SLC25A26: variants seen among roughly 807,000 people sequenced by gnomAD.
SLC25A26 encodes solute carrier family 25 member 26.
In SLC25A26, 36 loss-of-function variants were observed where a neutral mutation model predicts 37.8. The ratio of observed to expected loss-of-function variants is 0.95; its 90% CI spans 0.73 to 1.26. SLC25A26 has a LOEUF of 1.26. Among genes scored for constraint, SLC25A26 ranks in the 50% most tolerant of loss-of-function variants. SLC25A26 has a pLI of 0.00. For missense variants in SLC25A26, 390 were observed against 331.1 expected (o/e 1.18, Z -1.38); for synonymous variants, 129 against 122.5 (o/e 1.05, Z -0.35).
chr3:66,192,320 A>AG (rs1287727024), intron 1 of SLC25A26, among the ~76,000 whole-genome samples: 1 of 149,960 alleles, frequency 6.7e-6, no homozygotes, highest in African/African-American at 2.5e-5. Flanking sequence ...CATGTCACAA[A>AG]AAAAAAAAAA....
In SLC25A26 at chr3:66,377,698, C is replaced by T; in HGVS notation, c.716C>T (p.Ala239Val). ...WRSQGLAGLF[A>V]GVFPRMAAIS... ...CCTGTTTTTTCCCCTAGATTATTTG[C>T]AGGTGTCTTCCCTCGAATGGCAGCC... The change falls in exon 10 of 10, where the codon GCA (alanine) becomes GTA (valine). Residue 239 changes from alanine (A) to valine (V), a missense_variant. Physicochemically the swap from Ala to Val is moderately conservative, Grantham distance 64. Transcript: ENST00000354883. The T allele has an allele frequency of 1.2e-6, 2 of 1,612,806 alleles. No homozygotes were observed. The highest frequency in any genetic ancestry group is 2.2e-5 in the East Asian group (1 of 44,856).
At position 66,252,542 on chromosome 3, in the gene SLC25A26, C is replaced by T. The variant is rs188048734; in HGVS notation, c.300+9230C>T. On this transcript the variant is annotated intron_variant, in intron 3 of 9. Transcript: ENST00000354883. Reference sequence around the variant, plus strand: ...TTCACTGAAATGCTCTTTTCCTCATCTTGAAAAAATAGGATTAATGCCATC... The same window carrying T: ...TTCACTGAAATGCTCTTTTCCTCATTTTGAAAAAATAGGATTAATGCCATC... Among the ~76,000 whole-genome samples, 3 of 152,200 alleles carry T rather than the reference C, an allele frequency of 2.0e-5. No homozygotes were observed. The East Asian group carries it at 5.8e-4, about 29-fold the overall frequency.
chr3:66,232,942 T>A (rs1211850457), intron 1 of SLC25A26, among the ~76,000 whole-genome samples: 1 of 152,220 alleles, frequency 6.6e-6, no homozygotes, highest in Non-Finnish European at 1.5e-5. Context: ...GAGGTGGCAG[T>A]TCTGCAGTGA....
intron 3 of SLC25A26, among the ~76,000 whole-genome samples, chr3:66,247,559 C>G (rs533085287): frequency 6.0e-4 from 91 of 152,342 alleles, no homozygotes; most frequent in African/African-American, 2.1e-3. Flanking sequence ...AGTTCTTCCA[C>G]TGTGGCCTTC....
intron 1 of SLC25A26, among the ~76,000 whole-genome samples, chr3:66,165,367 A>G (rs2070411611): frequency 6.6e-6 from 1 of 152,238 alleles, no homozygotes; most frequent in Non-Finnish European, 1.5e-5. Context: ...CACAGGAACT[A>G]TGAGATAATA....
chr3:66,166,101 C>G (rs2070421900), intron 1 of SLC25A26, among the ~76,000 whole-genome samples: 1 of 152,202 alleles, frequency 6.6e-6, no homozygotes, highest in Non-Finnish European at 1.5e-5. Context: ...TTGCTCTGCT[C>G]TCAAATCTCT....
chr3:66,242,716 A>G (rs1447085357), intron 2 of SLC25A26, among the ~76,000 whole-genome samples: 1 of 152,198 alleles, frequency 6.6e-6, no homozygotes, highest in African/African-American at 2.4e-5. Flanking sequence ...TTGATGTAAA[A>G]GTGAATTCAT....
At chr3:66,171,951 G>A (rs1388000878) in intron 1 of SLC25A26, among the ~76,000 whole-genome samples, 1 of 152,178 alleles carries the variant, frequency 6.6e-6, no homozygotes, top group Non-Finnish European at 1.5e-5. Flanking sequence ...CTGTAAAGTT[G>A]TCTTTTTGCT....
intron 1 of SLC25A26, among the ~76,000 whole-genome samples, chr3:66,191,987 G>A (rs1291528186): frequency 1.3e-5 from 2 of 151,770 alleles, no homozygotes; most frequent in Non-Finnish European, 2.9e-5. Context: ...CCTGAAAGTG[G>A]AGCCTTCCTG....
intron 5 of SLC25A26, among the ~76,000 whole-genome samples, chr3:66,309,862 G>C (rs189776159): frequency 7.2e-6 from 1 of 139,410 alleles, no homozygotes; most frequent in South Asian, 2.1e-4. Flanking sequence ...TGGTCTGAGA[G>C]ACTGTTTGTT....
chr3:66,336,257 T>C (rs2076090738), intron 5 of SLC25A26, among the ~76,000 whole-genome samples: 2 of 152,164 alleles, frequency 1.3e-5, no homozygotes, highest in Admixed American at 1.3e-4. Context: ...GATAGAATAA[T>C]AAGTAAAATA....
At chr3:66,173,678 G>C (rs941474575) in intron 1 of SLC25A26, among the ~76,000 whole-genome samples, 9 of 152,170 alleles carry the variant, frequency 5.9e-5, no homozygotes, top group African/African-American at 1.7e-4. Flanking sequence ...GGTTAAAATG[G>C]AGTGAGTTTT....
At chr3:66,197,098 C>T (rs1270381580) in intron 1 of SLC25A26, among the ~76,000 whole-genome samples, 3 of 152,066 alleles carry the variant, frequency 2.0e-5, no homozygotes, top group Non-Finnish European at 4.4e-5. Context: ...TGTCAGTTTA[C>T]TCTAAAAAGC....
chr3:66,231,465 T>A (rs1217739884), intron 1 of SLC25A26, among the ~76,000 whole-genome samples: 2 of 152,102 alleles, frequency 1.3e-5, no homozygotes. Context: ...TTAACAAGGT[T>A]GTTTAAAAAA....
intron 2 of SLC25A26, among the ~76,000 whole-genome samples, chr3:66,238,656 C>A (rs535171711): frequency 6.6e-6 from 1 of 152,160 alleles, no homozygotes; most frequent in Non-Finnish European, 1.5e-5. Context: ...TGAGCCACTG[C>A]GCCTGGCAAA....
At chr3:66,288,270 T>G (rs539121242) in intron 5 of SLC25A26, among the ~76,000 whole-genome samples, 1 of 152,198 alleles carries the variant, frequency 6.6e-6, no homozygotes, top group Non-Finnish European at 1.5e-5. Context: ...TTTAGACAAC[T>G]TAGAAAAAGG....
chr3:66,278,396 C>G (rs1424172918), intron 5 of SLC25A26, among the ~76,000 whole-genome samples: 1 of 152,068 alleles, frequency 6.6e-6, no homozygotes, highest in Non-Finnish European at 1.5e-5. Context: ...AGTCTCCTGC[C>G]CATCCCTCTC....
rs1356788725 is a variant in SLC25A26, at chr3:66,209,924, A to C, written c.-353-10818A>C. ...TATATATATATATATATATATATATATATATATATATATATATATATATGC... is the reference window on the plus strand; with the variant it reads ...TATATATATATATATATATATATATCTATATATATATATATATATATATGC... On this transcript the variant is annotated intron_variant, in intron 1 of 10. Transcript: ENST00000676754. Among the ~76,000 whole-genome samples the C allele has an allele frequency of 5.2e-3, 368 of 70,708 alleles. 50 individuals carry two copies. The highest frequency in any genetic ancestry group is 0.022 in the East Asian group (57 of 2,646). 46.4% of individuals were successfully genotyped at this position (70,708 alleles called of 152,430 possible). A position where few individuals can be genotyped will look rare whatever the true frequency, so the allele number is the denominator to read the frequency against.
chr3:66,222,489 C>T lies in SLC25A26; in HGVS notation c.33+1362C>T, dbSNP rs1270040992. ...AGCCACGGCGCCTGGCCAATGTTAC[C>T]GCTTTTAAGGAGCTTTCCTGTCTAG... On this transcript the variant is annotated intron_variant, in intron 1 of 9. Transcript: ENST00000354883. 3.9e-5 allele frequency among the ~76,000 whole-genome samples: 6 copies of T among 152,316 alleles called. No homozygotes were observed. In the East Asian group the frequency reaches 5.8e-4, roughly 15 times the overall value.
Sources: gnomAD v4.1 joint callset for allele counts (sites outside exome capture counted in the v4.1 genomes callset) on GRCh38, gnomAD v4.1.1 for gene constraint, MANE v1.5 for transcripts, NCBI Gene and HGNC (gene_info 2026-07-23, HGNC 2026-07-21) for gene names.